Variants in PRR5L observed in about 807,000 individuals in gnomAD.
PRR5L encodes proline rich 5 like.
In PRR5L, 21 loss-of-function variants were observed where a neutral mutation model predicts 36.4. That is an observed-to-expected ratio of 0.58 (90% CI 0.41 to 0.83). The LOEUF (loss-of-function observed/expected upper bound fraction) is 0.83. Ranked by LOEUF, PRR5L falls within the 40% of genes least tolerant of loss-of-function variation. PRR5L has a pLI of 0.00. For missense variants in PRR5L, 381 were observed against 473.3 expected (o/e 0.80, Z 1.81); for synonymous variants, 188 against 197.0 (o/e 0.95, Z 0.38).
At chr11:36,332,808 T>C (rs1856732647) in intron 1 of PRR5L, among the ~76,000 whole-genome samples, 1 of 152,176 alleles carries the variant, frequency 6.6e-6, no homozygotes, top group Non-Finnish European at 1.5e-5. Context: ...CCCCTTTGCC[T>C]CTCACAATGA....
chr11:36,315,574 AT>A (rs750386512), intron 1 of PRR5L, among the ~76,000 whole-genome samples: 59 of 152,318 alleles, frequency 3.9e-4, no homozygotes, highest in Middle Eastern at 6.8e-3. Flanking sequence ...CTTTGTAGTA[AT>A]TTCCTTTCAT....
intron 8 of PRR5L, among the ~76,000 whole-genome samples, chr11:36,455,969 A>T (rs955963961): frequency 6.6e-6 from 1 of 152,198 alleles, no homozygotes; most frequent in Non-Finnish European, 1.5e-5. Flanking sequence ...TCCACCCAGA[A>T]AGTAGAAGGA....
At chr11:36,430,409 C>T (rs1858469780) in intron 4 of PRR5L, among the ~76,000 whole-genome samples, 2 of 152,164 alleles carry the variant, frequency 1.3e-5, no homozygotes, top group Admixed American at 1.3e-4. Flanking sequence ...AAGACTCCAT[C>T]TCAAAAGAAA....
chr11:36,360,037 A>T (rs1314675101), intron 1 of PRR5L, among the ~76,000 whole-genome samples: 8 of 29,258 alleles, frequency 2.7e-4, no homozygotes, highest in Middle Eastern at 0.018. Flanking sequence ...ACTCTGTCAC[A>T]CACACACACA....
chr11:36,301,994 CAGAA>C (rs1856381667), intron 1 of PRR5L, among the ~76,000 whole-genome samples: 1 of 152,080 alleles, frequency 6.6e-6, no homozygotes, highest in South Asian at 2.1e-4. Context: ...GAAGGAGAGA[CAGAA>C]AGAGAATGTG....
At chr11:36,454,475 G>A (rs1859008273) in intron 8 of PRR5L, among the ~76,000 whole-genome samples, 1 of 152,170 alleles carries the variant, frequency 6.6e-6, no homozygotes. Context: ...TTGGGTTGGG[G>A]GTGATAAACC....
At chr11:36,309,042 G>A (rs1856466782) in intron 1 of PRR5L, among the ~76,000 whole-genome samples, 1 of 152,196 alleles carries the variant, frequency 6.6e-6, no homozygotes, top group South Asian at 2.1e-4. Flanking sequence ...ACGGATACAG[G>A]TGAAATTTGA....
chr11:36,400,981 T>G lies in PRR5L; in HGVS notation c.-125-16T>G. 1 of 1,435,564 alleles carries G rather than the reference T, an allele frequency of 7.0e-7. No homozygotes were observed. The highest frequency in any genetic ancestry group is 9.1e-7 in the Non-Finnish European group (1 of 1,094,710). 88.9% of individuals were successfully genotyped at this position (1,435,564 alleles called of 1,614,324 possible). On this transcript the variant is annotated splice_polypyrimidine_tract_variant and intron_variant, in intron 1 of 8. Coordinates refer to ENST00000530639, the MANE Select transcript of PRR5L (RefSeq NM_001160167.2). ...CAGGCCAGGAGTTCTCAATAAAAGC[T>G]TCCCTCTCTTTTCAGGTGTTGGCTA...
chr11:36,307,079 G>A (rs1856442061), intron 1 of PRR5L, among the ~76,000 whole-genome samples: 1 of 152,114 alleles, frequency 6.6e-6, no homozygotes, highest in African/African-American at 2.4e-5. Context: ...CGGCCAGGGG[G>A]CGACAAATCT....
intron 1 of PRR5L, chr11:36,376,673 T>G: frequency 1.0e-6 from 1 of 990,400 alleles, no homozygotes; most frequent in Non-Finnish European, 1.2e-6. Flanking sequence ...TGTGCGCGAC[T>G]CGGGGTGATT....
intron 1 of PRR5L, among the ~76,000 whole-genome samples, chr11:36,323,193 C>G (rs1856629668): frequency 6.6e-6 from 1 of 152,146 alleles, no homozygotes; most frequent in African/African-American, 2.4e-5. Context: ...GGGTGGCTAC[C>G]ATCCACAGCC....
intron 1 of PRR5L, among the ~76,000 whole-genome samples, chr11:36,313,444 A>T (rs1856524075): frequency 6.6e-6 from 1 of 152,314 alleles, no homozygotes; most frequent in South Asian, 2.1e-4. Flanking sequence ...AAAATGTTTG[A>T]TATATCAAAG....
At chr11:36,371,279 C>T (rs948167446) in intron 1 of PRR5L, among the ~76,000 whole-genome samples, 3 of 152,210 alleles carry the variant, frequency 2.0e-5, no homozygotes, top group Non-Finnish European at 4.4e-5. Context: ...TGTGCTAAAT[C>T]TCCATGCTGT....
chr11:36,444,071 A>G (rs921531898), intron 6 of PRR5L, among the ~76,000 whole-genome samples: 2 of 152,228 alleles, frequency 1.3e-5, no homozygotes, highest in African/African-American at 4.8e-5. Flanking sequence ...AATATGCCCA[A>G]CGTGGCATGG....
intron 1 of PRR5L, among the ~76,000 whole-genome samples, chr11:36,389,699 G>A (rs932248998): frequency 6.8e-5 from 10 of 146,610 alleles, no homozygotes; most frequent in African/African-American, 2.3e-4. Flanking sequence ...TGCAACCTCC[G>A]CCTTCTGGGT....
At chr11:36,308,746 C>G (rs551351275) in intron 1 of PRR5L, among the ~76,000 whole-genome samples, 1 of 152,320 alleles carries the variant, frequency 6.6e-6, no homozygotes, top group Admixed American at 6.5e-5. Context: ...TTGACTTGTT[C>G]TGGTCAATGG....
intron 8 of PRR5L, among the ~76,000 whole-genome samples, chr11:36,456,725 CT>C (rs1320191988): frequency 6.6e-6 from 1 of 152,244 alleles, no homozygotes; most frequent in East Asian, 1.9e-4. Context: ...GGAGCACCTC[CT>C]TTTTGGTACA....
intron 6 of PRR5L, among the ~76,000 whole-genome samples, chr11:36,444,568 G>A (rs540885504): frequency 2.6e-5 from 4 of 152,156 alleles, no homozygotes; most frequent in African/African-American, 4.8e-5. Flanking sequence ...AGAGTCCTTC[G>A]GGATGCCTTG....
At chr11:36,376,377 C>A (rs1054555168) in intron 1 of PRR5L, 24 of 1,133,302 alleles carry the variant, frequency 2.1e-5, no homozygotes, top group African/African-American at 1.2e-4. Flanking sequence ...GAGGAGGAGG[C>A]GGCCGTAAGA....
Sources: allele counts gnomAD v4.1 joint callset (sites outside exome capture counted in the v4.1 genomes callset), GRCh38; gene constraint gnomAD v4.1.1; transcripts MANE v1.5; gene names NCBI Gene and HGNC (gene_info 2026-07-23, HGNC 2026-07-21).